The following RGS7 variants were observed in gnomAD, a reference collection of about 807,000 sequenced individuals.
RGS7 encodes the protein regulator of G-protein signaling 7.
A neutral mutation model predicts 81.1 loss-of-function variants in RGS7; 27 were observed. The observed-to-expected ratio is 0.33, with a 90% CI of 0.25 to 0.46. The LOEUF (loss-of-function observed/expected upper bound fraction) is 0.46. Ranked by LOEUF, RGS7 falls within the 20% of genes least tolerant of loss-of-function variation. The pLI is 1.00. For missense variants in RGS7, 396 were observed against 607.4 expected (o/e 0.65, Z 3.66); for synonymous variants, 208 against 207.7 (o/e 1.00, Z -0.01).
At chr1:241,206,868 C>A (rs2073918368) in intron 2 of RGS7, among the ~76,000 whole-genome samples, 1 of 151,848 alleles carries the variant, frequency 6.6e-6, no homozygotes, top group Non-Finnish European at 1.5e-5. Flanking sequence ...ACCTTTAATT[C>A]TCTCCATAGC....
chr1:240,875,667 T>C (rs1665278807), intron 6 of RGS7, among the ~76,000 whole-genome samples: 1 of 152,214 alleles, frequency 6.6e-6, no homozygotes, highest in Non-Finnish European at 1.5e-5. Context: ...GTATCAGGGT[T>C]CTCTTTTCTC....
At chr1:241,122,719 G>C (rs2066376843) in intron 2 of RGS7, among the ~76,000 whole-genome samples, 1 of 150,248 alleles carries the variant, frequency 6.7e-6, no homozygotes, top group African/African-American at 2.4e-5. Context: ...GCTTAGTCTA[G>C]TCTTACCTTA....
chr1:241,169,336 C>CTTTTTTTTTTTTT (rs57753661), intron 2 of RGS7, among the ~76,000 whole-genome samples: 1 of 74,274 alleles, frequency 1.3e-5, no homozygotes, highest in Non-Finnish European at 2.4e-5. Context: ...ATGTGTGTTT[C>CTTTTTTTTTTTTT]TTTTTTTTTT....
chr1:241,321,898 G>T (rs576897303), intron 2 of RGS7, among the ~76,000 whole-genome samples: 58 of 152,200 alleles, frequency 3.8e-4, no homozygotes, highest in Non-Finnish European at 7.1e-4. Context: ...CTCACAAACT[G>T]GCTCCAATCT....
intron 2 of RGS7, among the ~76,000 whole-genome samples, chr1:241,287,435 C>G (rs1179313645): frequency 1.3e-5 from 2 of 152,184 alleles, no homozygotes; most frequent in African/African-American, 4.8e-5. Flanking sequence ...CAAGCTCTCT[C>G]TTGCCTGCTG....
intron 6 of RGS7, among the ~76,000 whole-genome samples, chr1:240,905,749 G>C (rs1250154749): frequency 6.6e-6 from 1 of 152,166 alleles, no homozygotes; most frequent in Non-Finnish European, 1.5e-5. Context: ...GGAAGGTCAT[G>C]CTGGAGCTAC....
intron 4 of RGS7, among the ~76,000 whole-genome samples, chr1:240,976,931 CATCT>C (rs974262448): frequency 1.3e-4 from 20 of 152,050 alleles, no homozygotes; most frequent in South Asian, 6.2e-4. Flanking sequence ...ATCCATCTAT[CATCT>C]ATCTATCTAT....
chr1:241,268,368 TC>T (rs2077699436), intron 2 of RGS7, among the ~76,000 whole-genome samples: 1 of 152,306 alleles, frequency 6.6e-6, no homozygotes, highest in Admixed American at 6.5e-5. Context: ...GGGAGACTGT[TC>T]GGTGCATCGT....
intron 4 of RGS7, among the ~76,000 whole-genome samples, chr1:240,940,316 T>C (rs976612437): frequency 1.1e-4 from 17 of 152,186 alleles, no homozygotes; most frequent in Admixed American, 1.1e-3. Context: ...AAGATCCCCA[T>C]GTACATGTAA....
chr1:241,161,589 T>G (rs1193700801), intron 2 of RGS7, among the ~76,000 whole-genome samples: 1 of 149,716 alleles, frequency 6.7e-6, no homozygotes, highest in African/African-American at 2.5e-5. Flanking sequence ...TAATAATAAC[T>G]AATATTAATA....
rs538555136 is a variant in RGS7 at position 240,865,245 on chromosome 1, T to A, written c.609+3342A>T. Among the ~76,000 whole-genome samples the A allele has an allele frequency of 2.0e-5, 3 of 152,330 alleles. No individual in the cohort carries two copies. In the South Asian group the frequency reaches 6.2e-4, roughly 32 times the overall value. ...ATTCCAAAGCCCACCTGCTTCCCAC[T>A]CTGCCCCAGGTCTCCCTATTCCCTT... On this transcript the variant is annotated intron_variant, in intron 9 of 18. Coordinates refer to ENST00000440928, the MANE Select transcript of RGS7 (RefSeq NM_001364886.1).
intron 2 of RGS7, among the ~76,000 whole-genome samples, chr1:241,305,201 A>C (rs572013834): frequency 2.6e-5 from 4 of 152,218 alleles, no homozygotes; most frequent in Non-Finnish European, 4.4e-5. Flanking sequence ...TTTCTTTTCC[A>C]GTGCTTCTAA....
intron 2 of RGS7, among the ~76,000 whole-genome samples, chr1:241,210,428 G>T (rs531122940): frequency 6.6e-6 from 1 of 152,268 alleles, no homozygotes; most frequent in African/African-American, 2.4e-5. Flanking sequence ...GATTACAGGC[G>T]TGAGCCACCA....
intron 3 of RGS7, among the ~76,000 whole-genome samples, chr1:241,047,328 A>G (rs927174106): frequency 6.6e-6 from 1 of 152,128 alleles, no homozygotes; most frequent in Non-Finnish European, 1.5e-5. Context: ...CTGTGCACAA[A>G]TCTAAAATAC....
At chr1:240,920,187 G>A (rs1673269971) in intron 6 of RGS7, 3 of 1,071,686 alleles carry the variant, frequency 2.8e-6, no homozygotes, top group Non-Finnish European at 4.3e-6. Flanking sequence ...AGTTAGGAAA[G>A]CCCTGTCAAA....
intron 4 of RGS7, among the ~76,000 whole-genome samples, chr1:240,956,534 G>A (rs1195341543): frequency 6.6e-6 from 1 of 152,162 alleles, no homozygotes. Flanking sequence ...CACTCCTTCA[G>A]TGGGGGCCAC....
At chr1:240,954,886 G>A (rs1416184211) in intron 4 of RGS7, among the ~76,000 whole-genome samples, 1 of 152,106 alleles carries the variant, frequency 6.6e-6, no homozygotes, top group Non-Finnish European at 1.5e-5. Flanking sequence ...AATTTAAAAG[G>A]TAGAATATCA....
chr1:241,147,293 A>C (rs1320572457), intron 2 of RGS7, among the ~76,000 whole-genome samples: 2 of 152,144 alleles, frequency 1.3e-5, no homozygotes, highest in Non-Finnish European at 2.9e-5. Context: ...TTCCTCCCAC[A>C]CTTATTTGTA....
intron 2 of RGS7, among the ~76,000 whole-genome samples, chr1:241,339,601 C>A (rs2082424917): frequency 6.6e-6 from 1 of 152,152 alleles, no homozygotes; most frequent in Non-Finnish European, 1.5e-5. Context: ...GTAGGCAGGT[C>A]AGGTATGGTG....
Sources: allele counts gnomAD v4.1 joint callset (sites outside exome capture counted in the v4.1 genomes callset), GRCh38; gene constraint gnomAD v4.1.1; transcripts MANE v1.5; gene names NCBI Gene and HGNC (gene_info 2026-07-23, HGNC 2026-07-21).